The following NEK1 variants were observed in gnomAD, a reference collection of about 807,000 sequenced individuals.
The protein encoded by NEK1 is NIMA related kinase 1.
A neutral mutation model predicts 182.1 loss-of-function variants in NEK1; 137 were observed. The observed-to-expected ratio is 0.75, with a 90% CI of 0.65 to 0.87. The LOEUF (loss-of-function observed/expected upper bound fraction) is 0.87. NEK1 is among the 40% of genes least tolerant of loss of function. NEK1 has a pLI of 0.00. For synonymous variants in NEK1, 513 were observed against 492.2 expected (o/e 1.04, Z -0.56); for missense variants, 1,391 against 1,494.4 (o/e 0.93, Z 1.14).
chr4:169,579,664 C>T (rs1766279551), intron 11 of NEK1, among the ~76,000 whole-genome samples: 1 of 152,036 alleles, frequency 6.6e-6, no homozygotes, highest in Non-Finnish European at 1.5e-5. Flanking sequence ...TGGTGGGCAC[C>T]TGTATTCCCA....
chr4:169,455,895 A>AG (rs1471363402), intron 27 of NEK1, among the ~76,000 whole-genome samples: 1 of 152,226 alleles, frequency 6.6e-6, no homozygotes, highest in African/African-American at 2.4e-5. Flanking sequence ...ATTTCATCTA[A>AG]CAGCTGCAGA....
intron 27 of NEK1, among the ~76,000 whole-genome samples, chr4:169,462,263 C>T (rs148770374): frequency 8.1e-4 from 123 of 151,840 alleles, no homozygotes; most frequent in Middle Eastern, 3.4e-3. Flanking sequence ...TTGAATAAAG[C>T]CTGGAACATT....
chr4:169,403,441 G>A (rs1429828836), intron 32 of NEK1, among the ~76,000 whole-genome samples: 1 of 152,014 alleles, frequency 6.6e-6, no homozygotes, highest in African/African-American at 2.4e-5. Flanking sequence ...GTGGTGGCAC[G>A]AGCCTGTATT....
At chr4:169,577,366 C>T (rs973996488) in intron 11 of NEK1, among the ~76,000 whole-genome samples, 1 of 151,430 alleles carries the variant, frequency 6.6e-6, no homozygotes, top group African/African-American at 2.4e-5. Context: ...TTGCACGTAT[C>T]GGTGAATATA....
At chr4:169,575,549 T>C (rs775944131) in intron 12 of NEK1, among the ~76,000 whole-genome samples, 24 of 152,184 alleles carry the variant, frequency 1.6e-4, no homozygotes, top group Middle Eastern at 3.2e-3. Context: ...TCCCACAGAA[T>C]TCTGCTGGTG....
chr4:169,470,610 C>T (rs757983910), intron 26 of NEK1, among the ~76,000 whole-genome samples: 4 of 152,274 alleles, frequency 2.6e-5, no homozygotes, highest in South Asian at 2.1e-4. Flanking sequence ...GGTTGCTCTT[C>T]GCAAGGAGTA....
intron 18 of NEK1, among the ~76,000 whole-genome samples, chr4:169,549,538 T>G (rs1253760966): frequency 1.3e-5 from 2 of 152,140 alleles, no homozygotes; most frequent in Non-Finnish European, 2.9e-5. Flanking sequence ...TTCTCCTGCC[T>G]CAGCCTGCCA....
Position 169,454,700 on chromosome 4 carries a change from G to A in NEK1, c.2587+8543C>T, listed in dbSNP as rs562270932. Among the ~76,000 whole-genome samples the A allele has an allele frequency of 3.3e-5, 5 of 152,356 alleles. No homozygotes were observed. The South Asian group carries it at 1.0e-3, about 32-fold the overall frequency. The stretch of plus-strand genomic sequence containing the variant: ...AACAACAGGTGCTGGAGAGGATGTG[G>A]AGAAATAGGAACGCTTTTACACTGT... On this transcript the variant is annotated intron_variant, in intron 27 of 35. Coordinates refer to ENST00000507142, the MANE Select transcript of NEK1 (RefSeq NM_001199397.3).
chr4:169,477,498 C>T lies in NEK1; in HGVS notation c.2140-1G>A, dbSNP rs1332439063. On this transcript the variant is annotated splice_acceptor_variant, in intron 24 of 35. Transcript: ENST00000507142. LOFTEE classifies it high-confidence loss of function. ...CCCGGGTATCAGTTAAACTACTGTC[C>T]TTTAAATGCAGATAGATACAGAGGA... The T allele has an allele frequency of 6.3e-7, 1 of 1,599,172 alleles. No homozygotes were observed. Among genetic ancestry groups the T allele is most frequent in the African/African-American group, 1.3e-5 (1 of 74,688 alleles).
chr4:169,503,942 C>G (rs1436399166), intron 23 of NEK1, among the ~76,000 whole-genome samples: 1 of 152,030 alleles, frequency 6.6e-6, no homozygotes, highest in East Asian at 1.9e-4. Flanking sequence ...AAGAGACAAC[C>G]CACAGAATGG....
intron 2 of NEK1, among the ~76,000 whole-genome samples, chr4:169,610,016 CTTTT>C (rs538596187): frequency 2.2e-5 from 3 of 135,312 alleles, no homozygotes; most frequent in Non-Finnish European, 4.8e-5. Context: ...CTAAGAATTT[CTTTT>C]TTTTTTTTTT....
chr4:169,407,072 G>T (rs1229988658), intron 31 of NEK1, among the ~76,000 whole-genome samples: 1 of 152,038 alleles, frequency 6.6e-6, no homozygotes, highest in African/African-American at 2.4e-5. Context: ...TTGAAAACTG[G>T]GAGAAGTGTT....
intron 27 of NEK1, among the ~76,000 whole-genome samples, chr4:169,454,500 A>G (rs986399009): frequency 1.3e-5 from 2 of 152,178 alleles, no homozygotes; most frequent in African/African-American, 4.8e-5. Context: ...AAACAACCCC[A>G]TCAAAAGGTG....
At chr4:169,603,447 A>G (rs1770815268) in intron 2 of NEK1, among the ~76,000 whole-genome samples, 1 of 152,242 alleles carries the variant, frequency 6.6e-6, no homozygotes, top group Non-Finnish European at 1.5e-5. Context: ...ATGTAAACTT[A>G]GGCAAGTTAC....
intron 12 of NEK1, among the ~76,000 whole-genome samples, chr4:169,569,545 G>T (rs562456666): frequency 1.4e-5 from 2 of 145,436 alleles, no homozygotes; most frequent in African/African-American, 5.0e-5. Flanking sequence ...ATGCCGAGCC[G>T]AAGCTGGACT....
intron 23 of NEK1, among the ~76,000 whole-genome samples, chr4:169,498,192 G>C (rs80219671): frequency 1.2e-4 from 19 of 152,066 alleles, no homozygotes; most frequent in Non-Finnish European, 1.3e-4. Context: ...ATCTTTGCTG[G>C]TTTAAAGTCT....
Position 169,507,165 on chromosome 4 carries a change from C to A in NEK1, c.1912-33G>T, listed in dbSNP as rs116705264. 1,195 of 1,330,722 alleles carry A rather than the reference C, an allele frequency of 9.0e-4. 8 individuals are homozygous for A. The African/African-American group carries it at 0.014, about 16-fold the overall frequency. 82.4% of individuals were successfully genotyped at this position (1,330,722 alleles called of 1,614,324 possible). On this transcript the variant is annotated intron_variant, in intron 22 of 35. Transcript: ENST00000507142. ...TAAAAACAATTAACAAAATGAGTTA[C>A]CAGAAAGAAGGGCAGAGGTTTTTTT...
chr4:169,525,853 T>C (rs1163095594), intron 19 of NEK1, among the ~76,000 whole-genome samples: 1 of 152,212 alleles, frequency 6.6e-6, no homozygotes. Flanking sequence ...GCTAAAAGCA[T>C]AATCTTGAGA....
At chr4:169,447,125 A>G (rs1455995988) in intron 27 of NEK1, among the ~76,000 whole-genome samples, 1 of 152,230 alleles carries the variant, frequency 6.6e-6, no homozygotes, top group Non-Finnish European at 1.5e-5. Flanking sequence ...TCCAAGGAAG[A>G]CTACCTCAAG....
Sources: allele counts gnomAD v4.1 joint callset (sites outside exome capture counted in the v4.1 genomes callset), GRCh38; gene constraint gnomAD v4.1.1; transcripts MANE v1.5; gene names NCBI Gene and HGNC (gene_info 2026-07-23, HGNC 2026-07-21).